ZNF469: variants seen among roughly 807,000 people sequenced by gnomAD.
The protein encoded by ZNF469 is zinc finger protein 469.
Under a neutral mutation model 1.0 loss-of-function variants are expected in ZNF469, and 1 was observed. The ratio of observed to expected loss-of-function variants is 1.00; its 90% CI spans 0.35 to 4.73. The LOEUF is 4.73. Among genes scored for constraint, ZNF469 ranks in the 30% most tolerant of loss-of-function variants. The pLI is 0.16. For synonymous variants in ZNF469, 2,703 were observed against 2,363.4 expected (o/e 1.14, Z -4.17); for missense variants, 6,100 against 5,356.3 (o/e 1.14, Z -4.33).
chr16:88,328,556 C>T, the ZNF469 span, among the ~76,000 whole-genome samples: 1 of 152,238 alleles, frequency 6.6e-6, no homozygotes, highest in Non-Finnish European at 1.5e-5. Flanking sequence ...ATCCGATGCA[C>T]CTGGCCTGAC....
rs1270106359 is a variant in ZNF469 at position 88,432,975 on chromosome 16, TGCAGGCAGA to T, written c.5511_5519del (p.Arg1838_Gly1840del). 1 of 1,550,266 alleles carries T rather than the reference TGCAGGCAGA, an allele frequency of 6.5e-7. No homozygotes were observed. Among genetic ancestry groups the T allele is most frequent in the Non-Finnish European group, 8.7e-7 (1 of 1,146,986 alleles). ...CCAGCCATGCTGCCCAGGGACATTCTGCAGGCAGAGCAGGTGGGCACCTCCACCCCACGG... is the reference window on the plus strand; with the variant it reads ...CCAGCCATGCTGCCCAGGGACATTCTGCAGGTGGGCACCTCCACCCCACGG... On this transcript the variant is annotated inframe_deletion, in exon 3 of 3. Coordinates refer to ENST00000565624, the MANE Select transcript of ZNF469 (RefSeq NM_001367624.2).
chr16:88,271,864 G>T, the ZNF469 span, among the ~76,000 whole-genome samples: 4 of 152,078 alleles, frequency 2.6e-5, no homozygotes, highest in Non-Finnish European at 5.9e-5. Context: ...TGGATAAATG[G>T]GTGGGTGGAT....
chr16:88,247,430 G>C, the ZNF469 span, among the ~76,000 whole-genome samples: 14 of 151,836 alleles, frequency 9.2e-5, no homozygotes, highest in Non-Finnish European at 1.6e-4. Context: ...GTGAATGAAT[G>C]AATGAGTGAA....
the ZNF469 span, among the ~76,000 whole-genome samples, chr16:88,300,633 C>A: frequency 6.6e-6 from 1 of 152,062 alleles, no homozygotes; most frequent in Non-Finnish European, 1.5e-5. Context: ...GCATAGAGCA[C>A]GTGATTCCCC....
Position 88,432,106 on chromosome 16 carries a change from G to A in ZNF469, c.4636G>A (p.Gly1546Arg), listed in dbSNP as rs947954409. 42 of 1,550,390 alleles carry A rather than the reference G, an allele frequency of 2.7e-5. No homozygotes were observed. Among genetic ancestry groups the A allele is most frequent in the Admixed American group, 3.9e-5 (2 of 50,988 alleles). The change falls in exon 3 of 3, where the codon GGG (glycine) becomes AGG (arginine). Residue 1546 changes from glycine (G) to arginine (R), a missense_variant. Coordinates refer to ENST00000565624, the MANE Select transcript of ZNF469 (RefSeq NM_001367624.2). ...PGAAPSLPGK[G>R]SGCSVALMSH... ...CGCCGCCCCATCTTTGCCTGGGAAG[G>A]GGAGTGGATGTAGCGTTGCTCTTAT...
chr16:88,432,497 A>T lies in ZNF469; in HGVS notation c.5027A>T (p.Gln1676Leu). The change falls in exon 3 of 3, where the codon CAG becomes CTG. Residue 1676 changes from glutamine to leucine, a missense_variant. Physicochemically the swap from Gln to Leu is moderately radical, Grantham distance 113. Transcript: ENST00000565624. Reference sequence around the variant, plus strand: ...CATGCAGCCCTTCTCCCCTGTGCCCAGGAAGACCTGGTTTCTGGGGCTCCT... The same window carrying T: ...CATGCAGCCCTTCTCCCCTGTGCCCTGGAAGACCTGGTTTCTGGGGCTCCT... Reference protein sequence around the residue: ...PGHAALLPCAQEDLVSGAPFS... With the variant: ...PGHAALLPCALEDLVSGAPFS... 3 of 1,550,358 alleles carry T rather than the reference A, an allele frequency of 1.9e-6. No individual in the cohort carries two copies. The highest frequency in any genetic ancestry group is 2.6e-6 in the Non-Finnish European group (3 of 1,146,970).
chr16:88,108,127 G>A, the ZNF469 span, among the ~76,000 whole-genome samples: 2 of 109,246 alleles, frequency 1.8e-5, no homozygotes, highest in Non-Finnish European at 1.9e-5. Flanking sequence ...GGATGGAGGT[G>A]CACGTCTGTG....
chr16:88,328,625 C>T, the ZNF469 span, among the ~76,000 whole-genome samples: 1 of 152,224 alleles, frequency 6.6e-6, no homozygotes, highest in Non-Finnish European at 1.5e-5. Context: ...TCTCCTCCAT[C>T]CCTGGCTCCC....
the ZNF469 span, among the ~76,000 whole-genome samples, chr16:88,263,805 G>T: frequency 1.3e-5 from 2 of 152,068 alleles, no homozygotes; most frequent in African/African-American, 4.8e-5. Context: ...AGGAGAGGAG[G>T]CCTGCTGAGA....
chr16:88,255,361 A>G, the ZNF469 span, among the ~76,000 whole-genome samples: 18 of 152,182 alleles, frequency 1.2e-4, no homozygotes, highest in Admixed American at 6.5e-4. Flanking sequence ...TATTTTCTAC[A>G]TGCTTTCCCT....
chr16:88,435,763 G>A lies in ZNF469; in HGVS notation c.8293G>A (p.Gly2765Ser). The A allele has an allele frequency of 1.3e-6, 2 of 1,550,824 alleles. No homozygotes were observed. Among genetic ancestry groups the A allele is most frequent in the East Asian group, 4.9e-5 (2 of 40,920 alleles). Residue 2765 changes from glycine to serine, a missense_variant, in exon 3 of 3, where the codon GGT (glycine) becomes AGT (serine). Transcript: ENST00000565624. ...FWGPRETKAL[G>S]VCKESGSEPA... The stretch of plus-strand genomic sequence containing the variant: ...GGGACCAAGAGAGACCAAGGCGTTG[G>A]GTGTGTGCAAAGAGTCTGGGAGCGA...
chr16:88,264,229 C>T, the ZNF469 span, among the ~76,000 whole-genome samples: 1 of 152,092 alleles, frequency 6.6e-6, no homozygotes, highest in Non-Finnish European at 1.5e-5. Flanking sequence ...TGTCCTTCCT[C>T]CTCCCACACC....
chr16:88,316,042 C>T, the ZNF469 span, among the ~76,000 whole-genome samples: 1 of 152,218 alleles, frequency 6.6e-6, no homozygotes, highest in African/African-American at 2.4e-5. Context: ...GGCACCTGGA[C>T]CACGCGTCAC....
At chr16:88,275,952 C>A in the ZNF469 span, among the ~76,000 whole-genome samples, 2 of 152,158 alleles carry the variant, frequency 1.3e-5, no homozygotes, top group African/African-American at 4.8e-5. Flanking sequence ...CGGGAACAGG[C>A]CCATAAAGTG....
the ZNF469 span, among the ~76,000 whole-genome samples, chr16:88,351,320 T>C: frequency 0.093 from 14,146 of 152,194 alleles, 803 homozygotes; most frequent in African/African-American, 0.14. Flanking sequence ...CGTTAAATGC[T>C]GGGAGTTTCT....
the ZNF469 span, among the ~76,000 whole-genome samples, chr16:88,161,952 C>A: frequency 6.6e-6 from 1 of 152,086 alleles, no homozygotes; most frequent in Non-Finnish European, 1.5e-5. Context: ...GTTGAGACAG[C>A]CTATGATTTT....
chr16:88,226,687 C>T, the ZNF469 span, among the ~76,000 whole-genome samples: 7 of 151,916 alleles, frequency 4.6e-5, no homozygotes, highest in South Asian at 1.0e-3. Context: ...GCCCAGACCT[C>T]GAATGTCCCC....
chr16:88,163,228 G>A, the ZNF469 span, among the ~76,000 whole-genome samples: 188 of 42,884 alleles, frequency 4.4e-3, 24 homozygotes, highest in Admixed American at 0.039. Context: ...ATGCATGACT[G>A]GGTGGGTGGG....
the ZNF469 span, among the ~76,000 whole-genome samples, chr16:88,328,608 G>A: frequency 3.3e-5 from 5 of 152,308 alleles, no homozygotes; most frequent in African/African-American, 9.6e-5. Context: ...CTTCTCCAAC[G>A]CACTGATCTC....
Sources: allele counts gnomAD v4.1 joint callset (sites outside exome capture counted in the v4.1 genomes callset), GRCh38; gene constraint gnomAD v4.1.1; transcripts MANE v1.5; gene names NCBI Gene and HGNC (gene_info 2026-07-23, HGNC 2026-07-21).